The following DPF3 variants were observed in gnomAD, a reference collection of about 807,000 sequenced individuals.
DPF3 encodes zinc finger protein DPF3.
Under a neutral mutation model 56.8 loss-of-function variants are expected in DPF3, and 18 were observed. The ratio of observed to expected loss-of-function variants is 0.32; its 90% CI spans 0.22 to 0.47. The LOEUF is 0.47. Among genes scored for constraint, DPF3 ranks in the 20% least tolerant of loss-of-function variants. The pLI is 1.00. For synonymous variants in DPF3, 188 were observed against 180.2 expected, an observed-to-expected ratio of 1.04 and a Z score of -0.35; for missense variants, 403 against 488.8, an observed-to-expected ratio of 0.82 and a Z score of 1.65.
chr14:72,886,099 C>A (rs536723314), intron 1 of DPF3, among the ~76,000 whole-genome samples: 55 of 152,054 alleles, frequency 3.6e-4, no homozygotes, highest in Non-Finnish European at 4.1e-4. Flanking sequence ...CAGCTGGGCA[C>A]GGTGGCTCAT....
intron 8 of DPF3, among the ~76,000 whole-genome samples, chr14:72,651,032 GACC>G (rs1327981179): frequency 6.6e-6 from 1 of 152,204 alleles, no homozygotes; most frequent in Non-Finnish European, 1.5e-5. Flanking sequence ...GAATCTTGGA[GACC>G]ACCAAGTCCA....
intron 1 of DPF3, among the ~76,000 whole-genome samples, chr14:72,843,165 A>G (rs1884620112): frequency 6.6e-6 from 1 of 152,132 alleles, no homozygotes; most frequent in Non-Finnish European, 1.5e-5. Flanking sequence ...GAGTGTGGAG[A>G]AAAGGCATTC....
At chr14:72,671,816 C>G (rs546832329) in intron 8 of DPF3, among the ~76,000 whole-genome samples, 1 of 152,134 alleles carries the variant, frequency 6.6e-6, no homozygotes, top group African/African-American at 2.4e-5. Flanking sequence ...GGTGGTTAAG[C>G]CTCCATCTAT....
intron 2 of DPF3, among the ~76,000 whole-genome samples, chr14:72,759,656 AC>A (rs1890987996): frequency 6.6e-6 from 1 of 152,136 alleles, no homozygotes; most frequent in Non-Finnish European, 1.5e-5. Context: ...TTTGATGAAA[AC>A]TATAAACCCA....
intron 6 of DPF3, among the ~76,000 whole-genome samples, chr14:72,697,812 G>A (rs923943724): frequency 1.3e-5 from 2 of 152,148 alleles, no homozygotes; most frequent in Non-Finnish European, 2.9e-5. Context: ...AGAACTTGGT[G>A]GAAAAGGGAG....
intron 9 of DPF3, among the ~76,000 whole-genome samples, chr14:72,625,932 A>G (rs1884797793): frequency 6.6e-6 from 1 of 152,192 alleles, no homozygotes; most frequent in Non-Finnish European, 1.5e-5. Flanking sequence ...AGAATTACTA[A>G]TTCATATACC....
rs1351045872 is a variant in DPF3, at chr14:72,841,557, A to G, written c.32+52500T>C. On this transcript the variant is annotated intron_variant, in intron 1 of 10. Coordinates refer to ENST00000556509, the MANE Select transcript of DPF3 (RefSeq NM_001280542.3). ...GATGGAGAACTTCTTTTGCAGGGGTATAGTGATTTATTTGGTCTATTCTTG... is the reference window on the plus strand; with the variant it reads ...GATGGAGAACTTCTTTTGCAGGGGTGTAGTGATTTATTTGGTCTATTCTTG... Among the ~76,000 whole-genome samples, 3 of 152,148 alleles carry G rather than the reference A, an allele frequency of 2.0e-5. No homozygotes were observed. The East Asian group carries it at 5.8e-4, about 29-fold the overall frequency.
At chr14:72,745,376 A>G (rs1890284465) in intron 3 of DPF3, among the ~76,000 whole-genome samples, 1 of 152,162 alleles carries the variant, frequency 6.6e-6, no homozygotes, top group South Asian at 2.1e-4. Context: ...CATAGAATAT[A>G]CAAGTACTAT....
intron 1 of DPF3, among the ~76,000 whole-genome samples, chr14:72,778,888 C>G (rs1475274452): frequency 1.3e-5 from 2 of 152,188 alleles, no homozygotes; most frequent in Non-Finnish European, 2.9e-5. Context: ...TTTGTCTTCT[C>G]TACTAGACTA....
intron 8 of DPF3, among the ~76,000 whole-genome samples, chr14:72,642,451 G>A (rs1410693177): frequency 6.6e-6 from 1 of 152,180 alleles, no homozygotes; most frequent in Non-Finnish European, 1.5e-5. Context: ...CAGGGTTTGG[G>A]ATTTTAGATC....
chr14:72,815,392 C>T (rs1359771256), intron 1 of DPF3, among the ~76,000 whole-genome samples: 1 of 152,256 alleles, frequency 6.6e-6, no homozygotes, highest in Non-Finnish European at 1.5e-5. Flanking sequence ...TGTGGGAATG[C>T]TAACTGGTAC....
intron 8 of DPF3, chr14:72,671,205 C>G (rs763791361): frequency 1.2e-6 from 2 of 1,613,990 alleles, no homozygotes; most frequent in Admixed American, 3.3e-5. Context: ...AGGAGCGAGG[C>G]TCTTCCAAAT....
chr14:72,870,057 GA>G (rs1165172235), intron 1 of DPF3, among the ~76,000 whole-genome samples: 1 of 152,114 alleles, frequency 6.6e-6, no homozygotes, highest in East Asian at 1.9e-4. Flanking sequence ...ACAACACATG[GA>G]AAAAACTTTG....
rs879613836 is a variant in DPF3 at position 72,864,531 on chromosome 14, T to G, written c.32+29526A>C. ...ATTTGACAAATTAATAAAAAATGCCTGTAACACTTGAGTGACTTGGGTTGT... is the reference window on the plus strand; with the variant it reads ...ATTTGACAAATTAATAAAAAATGCCGGTAACACTTGAGTGACTTGGGTTGT... On this transcript the variant is annotated intron_variant, in intron 1 of 10. Coordinates refer to ENST00000556509, the MANE Select transcript of DPF3 (RefSeq NM_001280542.3). Among the ~76,000 whole-genome samples, 8 of 152,246 alleles carry G rather than the reference T, an allele frequency of 5.3e-5. No homozygotes were observed. In the East Asian group the frequency reaches 1.5e-3, roughly 29 times the overall value.
intron 1 of DPF3, among the ~76,000 whole-genome samples, chr14:72,794,763 G>C (rs189899478): frequency 6.6e-6 from 1 of 152,132 alleles, no homozygotes; most frequent in Non-Finnish European, 1.5e-5. Flanking sequence ...ACGATTTTAC[G>C]GTTCTAGAGG....
At chr14:72,746,888 TC>T (rs1253321360) in intron 3 of DPF3, among the ~76,000 whole-genome samples, 1 of 152,240 alleles carries the variant, frequency 6.6e-6, no homozygotes, top group Non-Finnish European at 1.5e-5. Flanking sequence ...GTTCTTCCTT[TC>T]CCTTCCCCTC....
At chr14:72,886,080 G>T (rs888514304) in intron 1 of DPF3, among the ~76,000 whole-genome samples, 4 of 152,160 alleles carry the variant, frequency 2.6e-5, no homozygotes, top group African/African-American at 4.8e-5. Flanking sequence ...ATGATGAAAA[G>T]GGTCTGGGCA....
At chr14:72,730,012 CA>C (rs1027987589) in intron 4 of DPF3, among the ~76,000 whole-genome samples, 1 of 152,060 alleles carries the variant, frequency 6.6e-6, no homozygotes, top group African/African-American at 2.4e-5. Context: ...GAGGCTATAC[CA>C]GGGGTACACA....
At chr14:72,871,122 A>C (rs1280664387) in intron 1 of DPF3, among the ~76,000 whole-genome samples, 5 of 152,204 alleles carry the variant, frequency 3.3e-5, no homozygotes, top group Non-Finnish European at 5.9e-5. Context: ...TATCACGAGA[A>C]TAGCCCAGGA....
Sources: gnomAD v4.1 joint callset for allele counts (sites outside exome capture counted in the v4.1 genomes callset) on GRCh38, gnomAD v4.1.1 for gene constraint, MANE v1.5 for transcripts, NCBI Gene and HGNC (gene_info 2026-07-23, HGNC 2026-07-21) for gene names.